CNIH3: variants seen among roughly 807,000 people sequenced by gnomAD.
The protein encoded by CNIH3 is protein cornichon homolog 3.
CNIH3 carries 14 observed loss-of-function variants against 24.1 expected under a neutral mutation model. The observed-to-expected ratio is 0.58, with a 90% CI of 0.38 to 0.91. CNIH3 has a LOEUF of 0.91. CNIH3 is among the 40% of genes least tolerant of loss of function. CNIH3 has a pLI of 0.00. For missense variants in CNIH3, 178 were observed against 196.8 expected, an observed-to-expected ratio of 0.90 and a Z score of 0.57; for synonymous variants, 68 against 73.8, an observed-to-expected ratio of 0.92 and a Z score of 0.40.
In CNIH3 at chr1:224,439,756, C is replaced by A. The variant is rs182365487; in HGVS notation, n.203+4894C>A. 4.3e-4 allele frequency among the ~76,000 whole-genome samples: 65 copies of A among 150,600 alleles called. No homozygotes were observed. In the South Asian group the frequency reaches 0.013, roughly 31 times the overall value. ...CCTCCCGAGTAGCTGGGACTACAGG[C>A]GTGCACCACCATCCCCAGGTAATTT... On this transcript the variant is annotated intron_variant and non_coding_transcript_variant, in intron 1 of 5. Transcript: ENST00000471578.
At chr1:224,648,546 G>A (rs555595997) in intron 1 of CNIH3, among the ~76,000 whole-genome samples, 7 of 152,264 alleles carry the variant, frequency 4.6e-5, no homozygotes, top group African/African-American at 1.7e-4. Context: ...TTCGTGCCAG[G>A]TACTGTAATA....
At chr1:224,637,923 T>C (rs1056646167) in intron 1 of CNIH3, among the ~76,000 whole-genome samples, 3 of 152,208 alleles carry the variant, frequency 2.0e-5, no homozygotes, top group African/African-American at 7.2e-5. Context: ...ACCCTTGCCT[T>C]GTGGAAGACA....
intron 3 of CNIH3, among the ~76,000 whole-genome samples, chr1:224,550,223 T>G (rs1679859976): frequency 6.6e-6 from 1 of 152,140 alleles, no homozygotes. Context: ...GTAAACAGTG[T>G]GTGTAACCAC....
At chr1:224,645,327 C>A (rs1684551426) in intron 1 of CNIH3, among the ~76,000 whole-genome samples, 1 of 152,202 alleles carries the variant, frequency 6.6e-6, no homozygotes, top group Non-Finnish European at 1.5e-5. Flanking sequence ...GGAGACTCAG[C>A]CCCCAAGAGG....
At chr1:224,663,931 C>T (rs753756078) in intron 1 of CNIH3, among the ~76,000 whole-genome samples, 1 of 152,184 alleles carries the variant, frequency 6.6e-6, no homozygotes, top group African/African-American at 2.4e-5. Context: ...GCCTTCTGGT[C>T]AAGGAACCAA....
intron 1 of CNIH3, among the ~76,000 whole-genome samples, chr1:224,520,534 T>C (rs1017228862): frequency 3.9e-5 from 6 of 152,252 alleles, no homozygotes; most frequent in Non-Finnish European, 8.8e-5. Flanking sequence ...TTGAACCACA[T>C]GGAATTGCCT....
intron 1 of CNIH3, among the ~76,000 whole-genome samples, chr1:224,639,367 C>T (rs1684246071): frequency 6.6e-6 from 1 of 152,230 alleles, no homozygotes; most frequent in African/African-American, 2.4e-5. Flanking sequence ...TGGTGTCTGT[C>T]TTGTGAGCCC....
chr1:224,498,426 A>AT (rs1254901450), intron 1 of CNIH3, among the ~76,000 whole-genome samples: 1 of 152,164 alleles, frequency 6.6e-6, no homozygotes, highest in African/African-American at 2.4e-5. Context: ...AAAAGCTTAT[A>AT]TGCAACTCTC....
chr1:224,619,127 A>G (rs1406351243), intron 1 of CNIH3, among the ~76,000 whole-genome samples: 5 of 152,194 alleles, frequency 3.3e-5, no homozygotes, highest in Admixed American at 2.6e-4. Context: ...AGCTCCCTCA[A>G]ACTCGAGTCT....
chr1:224,631,684 C>T (rs1268037002), intron 1 of CNIH3, among the ~76,000 whole-genome samples: 2 of 152,134 alleles, frequency 1.3e-5, no homozygotes, highest in East Asian at 1.9e-4. Flanking sequence ...CGTCTCAAAC[C>T]GTGGGCTGAC....
intron 3 of CNIH3, among the ~76,000 whole-genome samples, chr1:224,706,496 A>G (rs1364300909): frequency 1.3e-5 from 2 of 152,084 alleles, no homozygotes; most frequent in Non-Finnish European, 2.9e-5. Context: ...GCGGAGATCT[A>G]CCTGTCTTGT....
intron 3 of CNIH3, among the ~76,000 whole-genome samples, chr1:224,710,118 A>G (rs566949174): frequency 6.6e-6 from 1 of 152,332 alleles, no homozygotes; most frequent in East Asian, 1.9e-4. Flanking sequence ...GTGGTTGATC[A>G]CAGGTAATTT....
intron 1 of CNIH3, among the ~76,000 whole-genome samples, chr1:224,653,600 A>C (rs1684964767): frequency 6.6e-6 from 1 of 152,208 alleles, no homozygotes; most frequent in South Asian, 2.1e-4. Flanking sequence ...CCTGTGAAGA[A>C]ATCTATTAAG....
intron 1 of CNIH3, among the ~76,000 whole-genome samples, chr1:224,663,441 T>C (rs1036308835): frequency 2.0e-5 from 3 of 152,148 alleles, no homozygotes; most frequent in African/African-American, 7.2e-5. Context: ...CTGAAATAGT[T>C]GGGGTGCTTT....
upstream of CNIH3, among the ~76,000 whole-genome samples, chr1:224,612,065 T>C (rs1682725930): frequency 6.6e-6 from 1 of 152,072 alleles, no homozygotes; most frequent in African/African-American, 2.4e-5. The surrounding 1 kb of genome is among the most constrained non-coding windows in gnomAD (Gnocchi z 4.7). Context: ...AAAGTCACAG[T>C]GGTAGGATAA....
intron 4 of CNIH3, among the ~76,000 whole-genome samples, chr1:224,579,360 A>G (rs929243610): frequency 6.6e-6 from 1 of 151,766 alleles, no homozygotes; most frequent in Non-Finnish European, 1.5e-5. Flanking sequence ...TCCATTGGAA[A>G]CTCTGAGCAT....
chr1:224,636,388 G>A (rs945592574), intron 1 of CNIH3, among the ~76,000 whole-genome samples: 2 of 152,114 alleles, frequency 1.3e-5, no homozygotes, highest in African/African-American at 4.8e-5. Context: ...ACCTAGAGAG[G>A]TAAAGTGACT....
At chr1:224,589,393 A>G (rs931123398), downstream of CNIH3, among the ~76,000 whole-genome samples, 10 of 152,316 alleles carry the variant, frequency 6.6e-5, no homozygotes, top group East Asian at 1.9e-3. Flanking sequence ...GTCTTCTCAG[A>G]TGAGAGGGAA....
intron 3 of CNIH3, among the ~76,000 whole-genome samples, chr1:224,605,985 G>A (rs1682401575): frequency 6.6e-6 from 1 of 152,202 alleles, no homozygotes; most frequent in South Asian, 2.1e-4. Context: ...GATTCACAAA[G>A]GGGGTGACTC....
Sources: gnomAD v4.1 joint callset for allele counts (sites outside exome capture counted in the v4.1 genomes callset) on GRCh38, gnomAD v4.1.1 for gene constraint, Gnocchi (gnomAD v3.1) non-coding constraint, MANE v1.5 for transcripts, NCBI Gene and HGNC (gene_info 2026-07-23, HGNC 2026-07-21) for gene names.